SGSM1: variants seen among roughly 807,000 people sequenced by gnomAD.
SGSM1 encodes RUN and TBC1 domain containing 2.
In SGSM1, 73 loss-of-function variants were observed where a neutral mutation model predicts 133.8. The ratio of observed to expected loss-of-function variants is 0.55; its 90% CI spans 0.45 to 0.66. The LOEUF (loss-of-function observed/expected upper bound fraction) is 0.66. Ranked by LOEUF, SGSM1 falls within the 30% of genes least tolerant of loss-of-function variation. The probability of loss-of-function intolerance (pLI) is 0.00; values close to 1 mark genes in which losing one functional copy is unlikely to be tolerated. For synonymous variants in SGSM1, 563 were observed against 573.0 expected, an observed-to-expected ratio of 0.98 and a Z score of 0.25; for missense variants, 1,213 against 1,448.1, an observed-to-expected ratio of 0.84 and a Z score of 2.64.
chr22:24,829,718 A>G (rs1929000080), intron 2 of SGSM1, among the ~76,000 whole-genome samples: 1 of 152,166 alleles, frequency 6.6e-6, no homozygotes, highest in Non-Finnish European at 1.5e-5. Flanking sequence ...CAGTTTCCCC[A>G]TCTATAAAAT....
At chr22:24,902,738 G>A (rs1933210582) in intron 20 of SGSM1, among the ~76,000 whole-genome samples, 1 of 151,866 alleles carries the variant, frequency 6.6e-6, no homozygotes, top group African/African-American at 2.4e-5. Flanking sequence ...CTTAAAATAT[G>A]AAAGTAACCC....
At chr22:24,908,674 C>T (rs1047846366) in intron 21 of SGSM1, among the ~76,000 whole-genome samples, 6 of 151,716 alleles carry the variant, frequency 4.0e-5, no homozygotes, top group African/African-American at 1.2e-4. Flanking sequence ...TGGTGGCGGG[C>T]GCCTGTAGTC....
intron 2 of SGSM1, chr22:24,844,354 C>G (rs1361485789): frequency 6.6e-6 from 1 of 152,426 alleles, no homozygotes; most frequent in Non-Finnish European, 1.5e-5. Flanking sequence ...AGTGAAACCC[C>G]GTCTGTACTA....
chr22:24,822,742 A>G (rs1336510631), intron 2 of SGSM1, among the ~76,000 whole-genome samples: 1 of 152,136 alleles, frequency 6.6e-6, no homozygotes, highest in African/African-American at 2.4e-5. Flanking sequence ...TCAGAGGGCT[A>G]AGGGAGCAGG....
At chr22:24,847,837 C>A (rs746824199) in intron 4 of SGSM1, 41 bp downstream of exon 4, 1 of 1,599,976 alleles carries the variant, frequency 6.3e-7, no homozygotes, top group South Asian at 1.1e-5. Context: ...GCAGCTCCCC[C>A]AATAGTCCAC....
At chr22:24,921,216 C>T (rs1933996386) in intron 24 of SGSM1, among the ~76,000 whole-genome samples, 1 of 152,106 alleles carries the variant, frequency 6.6e-6, no homozygotes, top group Admixed American at 6.6e-5. Context: ...TCTCCCGCCT[C>T]AGCCTCCTGA....
At chr22:24,905,761 C>G (rs1459910242) in intron 21 of SGSM1, among the ~76,000 whole-genome samples, 2 of 149,358 alleles carry the variant, frequency 1.3e-5, no homozygotes, top group African/African-American at 2.5e-5. Context: ...TGTACTCCAG[C>G]CTGGGAGACA....
At chr22:24,841,077 C>T (rs1022374072) in intron 2 of SGSM1, among the ~76,000 whole-genome samples, 4 of 151,710 alleles carry the variant, frequency 2.6e-5, no homozygotes, top group East Asian at 2.0e-4. Flanking sequence ...GTCTCGATCT[C>T]CTGACCTTGT....
chr22:24,840,976 G>A (rs1294275322), intron 2 of SGSM1, among the ~76,000 whole-genome samples: 10 of 151,946 alleles, frequency 6.6e-5, no homozygotes, highest in Non-Finnish European at 1.5e-4. Flanking sequence ...TCAGCCTCTC[G>A]AGTAGCTGGG....
At chr22:24,896,470 T>C (rs1932916616) in intron 18 of SGSM1, among the ~76,000 whole-genome samples, 1 of 152,206 alleles carries the variant, frequency 6.6e-6, no homozygotes, top group African/African-American at 2.4e-5. Context: ...ACCCTTGATA[T>C]GATCCAAGAA....
chr22:24,855,867 A>G (rs759731258), intron 8 of SGSM1, 187 bp downstream of exon 8: 29 of 844,020 alleles, frequency 3.4e-5, no homozygotes, highest in Non-Finnish European at 5.6e-5. Flanking sequence ...CCTTACATCC[A>G]TCCATCCACC....
intron 9 of SGSM1, among the ~76,000 whole-genome samples, chr22:24,864,798 T>TA (rs1459900266): frequency 2.0e-5 from 3 of 152,244 alleles, no homozygotes; most frequent in Non-Finnish European, 4.4e-5. Flanking sequence ...ACTGTACACT[T>TA]ACAGAGAGTA....
At chr22:24,831,791 C>A (rs1052977206) in intron 2 of SGSM1, among the ~76,000 whole-genome samples, 2 of 152,220 alleles carry the variant, frequency 1.3e-5, no homozygotes, top group Admixed American at 1.3e-4. Context: ...TCAACCAGGC[C>A]GTCCTGTAAT....
rs1190585088 is a variant in SGSM1 at position 24,856,011 on chromosome 22, A to G, written c.801+331A>G. On this transcript the variant is annotated intron_variant, in intron 8 of 24. Coordinates refer to ENST00000400358, the MANE Select transcript of SGSM1 (RefSeq NM_001098497.3). ...CATTCACCCATCCACCCATCTTTAC[A>G]TCTATCCATCCATCCATCCATCCAT... The G allele has an allele frequency of 1.5e-5, 7 of 477,876 alleles. No individual in the cohort carries two copies. The East Asian group carries it at 3.4e-4, about 23-fold the overall frequency. The allele number at this position is 477,876 out of a possible 1,614,324, so 29.6% of individuals were successfully genotyped here. A position where few individuals can be genotyped will look rare whatever the true frequency, so the allele number is the denominator to read the frequency against.
intron 3 of SGSM1, among the ~76,000 whole-genome samples, chr22:24,845,294 G>A (rs771593049): frequency 1.3e-5 from 2 of 152,138 alleles, no homozygotes; most frequent in Non-Finnish European, 2.9e-5. Flanking sequence ...TGTGGCTATT[G>A]CTAGGTAAAG....
chr22:24,880,978 G>A (rs572496903), intron 14 of SGSM1, among the ~76,000 whole-genome samples: 73 of 151,912 alleles, frequency 4.8e-4, no homozygotes, highest in African/African-American at 1.6e-3. Context: ...ATTGTCTGAG[G>A]TCAGGAGTTC....
At position 24,850,351 on chromosome 22, in the gene SGSM1, C is replaced by A. The variant is rs528623013; in HGVS notation, c.374C>A (p.Ala125Asp). Residue 125 changes from alanine to aspartate, a missense_variant, in exon 5 of 25, where the codon GCC becomes GAC. Coordinates refer to ENST00000400358, the MANE Select transcript of SGSM1 (RefSeq NM_001098497.3). ...AAGCTGCCCAACTTGTCCCCACTTG[C>A]CATCAAGCATCTGTGGATTCGCACA... ...LPKLPNLSPL[A>D]IKHLWIRTAL... 1.2e-6 allele frequency: 2 copies of A among 1,613,932 alleles called. No homozygotes were observed. The highest frequency in any genetic ancestry group is 2.7e-5 in the African/African-American group (2 of 75,044).
chr22:24,871,419 G>A (rs1204367003), intron 12 of SGSM1, among the ~76,000 whole-genome samples: 1 of 152,142 alleles, frequency 6.6e-6, no homozygotes, highest in Admixed American at 6.5e-5. Context: ...CTGGTGACCT[G>A]ACATGGGGCC....
intron 5 of SGSM1, among the ~76,000 whole-genome samples, chr22:24,851,449 G>GGAGAGAGAGA (rs56956761): frequency 9.1e-4 from 103 of 112,862 alleles, no homozygotes; most frequent in East Asian, 1.1e-3. Flanking sequence ...GGGGGTGGGG[G>GGAGAGAGAGA]GAGAGAGAGA....
Sources: gnomAD v4.1 joint callset for allele counts (sites outside exome capture counted in the v4.1 genomes callset) on GRCh38, gnomAD v4.1.1 for gene constraint, MANE v1.5 for transcripts, NCBI Gene and HGNC (gene_info 2026-07-23, HGNC 2026-07-21) for gene names.